The following ADAM32 variants were observed in gnomAD, a reference collection of about 807,000 sequenced individuals.
The protein encoded by ADAM32 is ADAM metallopeptidase domain 32.
In ADAM32, 89 loss-of-function variants were observed where a neutral mutation model predicts 114.9. The observed-to-expected ratio is 0.77, with a 90% CI of 0.65 to 0.92. The LOEUF is 0.92. Among genes scored for constraint, ADAM32 ranks in the 40% least tolerant of loss-of-function variants. ADAM32 has a pLI of 0.00. For missense variants in ADAM32, 870 were observed against 932.8 expected, an observed-to-expected ratio of 0.93 and a Z score of 0.88; for synonymous variants, 285 against 307.5, an observed-to-expected ratio of 0.93 and a Z score of 0.77.
intron 19 of ADAM32, among the ~76,000 whole-genome samples, chr8:39,263,995 CA>C (rs1812201919): frequency 6.6e-6 from 1 of 152,146 alleles, no homozygotes; most frequent in African/African-American, 2.4e-5. Flanking sequence ...AAACCATCGA[CA>C]TAATCAAGAT....
chr8:39,122,332 G>T (rs1172887985), intron 2 of ADAM32, among the ~76,000 whole-genome samples: 3 of 152,134 alleles, frequency 2.0e-5, no homozygotes, highest in Non-Finnish European at 4.4e-5. Flanking sequence ...CCTTTAAGGA[G>T]ATAGAGTTAA....
intron 16 of ADAM32, among the ~76,000 whole-genome samples, chr8:39,234,590 G>A (rs1809978211): frequency 6.6e-6 from 1 of 151,888 alleles, no homozygotes; most frequent in Non-Finnish European, 1.5e-5. Flanking sequence ...ACAGGGTATT[G>A]TGAAGATTAA....
intron 11 of ADAM32, among the ~76,000 whole-genome samples, chr8:39,207,392 T>C (rs1312695900): frequency 1.3e-5 from 2 of 152,198 alleles, no homozygotes; most frequent in Non-Finnish European, 2.9e-5. Flanking sequence ...TGACAACTCA[T>C]GTCTTTTTTT....
chr8:39,232,073 A>G lies in ADAM32; in HGVS notation c.1572A>G (p.Gln524=), dbSNP rs764736141. Residue 524 remains glutamine (Q), a synonymous_variant, in exon 15 of 25, where the codon CAA becomes CAG. Transcript: ENST00000379907. The stretch of plus-strand genomic sequence containing the variant: ...CCTGCTATGAAGAAATACAATCTCA[A>G]TCAGACAGATTTGGGAACTGTGGTA... ...PFACYEEIQS[Q]SDRFGNCGRD... The G allele has an allele frequency of 2.0e-4, 330 of 1,612,680 alleles. 5 individuals carry two copies. The South Asian group carries it at 3.5e-3, about 17-fold the overall frequency.
At chr8:39,203,408 A>C (rs1200772072) in intron 11 of ADAM32, among the ~76,000 whole-genome samples, 1 of 151,788 alleles carries the variant, frequency 6.6e-6, no homozygotes, top group Non-Finnish European at 1.5e-5. Context: ...GTCTCTTTTG[A>C]TCTTTGTTGG....
chr8:39,124,098 G>A (rs564822580), intron 2 of ADAM32, among the ~76,000 whole-genome samples: 2 of 151,808 alleles, frequency 1.3e-5, no homozygotes, highest in Admixed American at 6.6e-5. Flanking sequence ...TGTGTGCCAT[G>A]GTGGGTTGCT....
At chr8:39,227,957 C>T (rs1374346447) in intron 14 of ADAM32, among the ~76,000 whole-genome samples, 2 of 152,300 alleles carry the variant, frequency 1.3e-5, no homozygotes, top group East Asian at 1.9e-4. Context: ...CCAGAACAGT[C>T]GCTGGTATCC....
At chr8:39,134,340 C>T (rs1176789438) in intron 2 of ADAM32, among the ~76,000 whole-genome samples, 2 of 151,778 alleles carry the variant, frequency 1.3e-5, no homozygotes, top group African/African-American at 2.4e-5. Flanking sequence ...CGTGAAGGCT[C>T]AGGGGCTCTC....
intron 10 of ADAM32, among the ~76,000 whole-genome samples, chr8:39,179,095 C>T (rs1373239658): frequency 6.6e-6 from 1 of 152,140 alleles, no homozygotes. Context: ...TCGAGACCAC[C>T]CAGACTCTCT....
chr8:39,122,703 A>C (rs941436135), intron 2 of ADAM32, among the ~76,000 whole-genome samples: 1 of 152,170 alleles, frequency 6.6e-6, no homozygotes, highest in Non-Finnish European at 1.5e-5. Flanking sequence ...CAGCCTCCCA[A>C]GTAGCTGGAA....
chr8:39,213,543 T>G (rs776684702), intron 12 of ADAM32, among the ~76,000 whole-genome samples: 1 of 152,138 alleles, frequency 6.6e-6, no homozygotes, highest in Non-Finnish European at 1.5e-5. Context: ...TACATACATC[T>G]ATTGCACATA....
At chr8:39,178,861 C>CA (rs1020193408) in intron 10 of ADAM32, among the ~76,000 whole-genome samples, 2 of 152,258 alleles carry the variant, frequency 1.3e-5, no homozygotes, top group Admixed American at 1.3e-4. Context: ...GAGGTATCAC[C>CA]AGTGAAGGCT....
intron 7 of ADAM32, 77 bp from the exon 8 acceptor site, chr8:39,164,687 G>A: frequency 8.8e-7 from 1 of 1,140,662 alleles, no homozygotes; most frequent in Non-Finnish European, 1.2e-6. Context: ...TTACACCTCT[G>A]ACAGTAGATG....
At chr8:39,107,567 A>G, upstream of ADAM32, 1 of 1,350,428 alleles carries the variant, frequency 7.4e-7, no homozygotes, top group Non-Finnish European at 9.6e-7. Flanking sequence ...TGCGCCGGGA[A>G]GGGAGCTGGA....
intron 1 of ADAM32, among the ~76,000 whole-genome samples, chr8:39,116,148 T>C (rs922956628): frequency 6.6e-6 from 1 of 152,238 alleles, no homozygotes; most frequent in Admixed American, 6.5e-5. Flanking sequence ...CCTTGTAGTA[T>C]AGTTTGAAGA....
intron 19 of ADAM32, among the ~76,000 whole-genome samples, chr8:39,267,147 G>A (rs558246414): frequency 6.6e-6 from 1 of 152,196 alleles, no homozygotes; most frequent in Non-Finnish European, 1.5e-5. Context: ...GTAGGTGGGG[G>A]TTCCCCCATT....
At chr8:39,213,125 A>G (rs1188115358) in intron 12 of ADAM32, among the ~76,000 whole-genome samples, 1 of 152,166 alleles carries the variant, frequency 6.6e-6, no homozygotes, top group Non-Finnish European at 1.5e-5. Flanking sequence ...AAGGTTATTA[A>G]CAAATCCATC....
In ADAM32 at chr8:39,233,988, G is replaced by A. The variant is rs536001133; in HGVS notation, c.1724G>A (p.Arg575Gln). ...GGTGATGTGATTTATGCTTTCGTAC[G>A]AGATTCTGTATGCATAACTGTAGAC... is the stretch of plus-strand genomic sequence containing the variant. ...ENGDVIYAFV[R>Q]DSVCITVDYK... Residue 575 changes from arginine (R) to glutamine (Q), a missense_variant, in exon 16 of 25, where the codon CGA (arginine) becomes CAA (glutamine). Arg to Gln is a conservative substitution (Grantham distance 43). Transcript: ENST00000379907. 3.8e-6 allele frequency: 6 copies of A among 1,577,088 alleles called. No homozygotes were observed. Among genetic ancestry groups the A allele is most frequent in the Admixed American group, 3.6e-5 (2 of 56,322 alleles).
chr8:39,157,587 A>C, intron 6 of ADAM32: 1 of 543,616 alleles, frequency 1.8e-6, no homozygotes, highest in Non-Finnish European at 3.5e-6. Flanking sequence ...TGGTCCCATG[A>C]ATGCTTCTTC....
Sources: gnomAD v4.1 joint callset for allele counts (sites outside exome capture counted in the v4.1 genomes callset) on GRCh38, gnomAD v4.1.1 for gene constraint, MANE v1.5 for transcripts, NCBI Gene and HGNC (gene_info 2026-07-23, HGNC 2026-07-21) for gene names.